Variants in TP63 observed in about 807,000 individuals in gnomAD.
The protein encoded by TP63 is tumor protein p63, also known as tumor protein 63.
TP63 carries 17 observed loss-of-function variants against 82.8 expected under a neutral mutation model. The observed-to-expected ratio is 0.21, with a 90% CI of 0.14 to 0.31. TP63 has a LOEUF of 0.31. Ranked by LOEUF, TP63 falls within the 10% of genes least tolerant of loss-of-function variation. The pLI is 1.00. For missense variants in TP63, 648 were observed against 895.3 expected, an observed-to-expected ratio of 0.72 and a Z score of 3.52; for synonymous variants, 330 against 321.7, an observed-to-expected ratio of 1.03 and a Z score of -0.28.
chr3:189,637,187 A>G (rs552236668), intron 1 of TP63, among the ~76,000 whole-genome samples: 48 of 152,076 alleles, frequency 3.2e-4, no homozygotes, highest in Non-Finnish European at 6.2e-4. Flanking sequence ...TACCTGGAAC[A>G]TCCATGTAGA....
intron 4 of TP63, among the ~76,000 whole-genome samples, chr3:189,831,371 A>G (rs1291864449): frequency 1.3e-5 from 2 of 152,108 alleles, no homozygotes; most frequent in Non-Finnish European, 2.9e-5. Flanking sequence ...CAGTTTTCTA[A>G]TTTGCTGTGA....
chr3:189,716,072 C>T (rs964444257), intron 1 of TP63, among the ~76,000 whole-genome samples: 1 of 152,178 alleles, frequency 6.6e-6, no homozygotes, highest in African/African-American at 2.4e-5. Flanking sequence ...TATTCCTGTT[C>T]CACATATGAG....
chr3:189,704,798 A>G (rs1400481439), intron 1 of TP63, among the ~76,000 whole-genome samples: 1 of 152,258 alleles, frequency 6.6e-6, no homozygotes, highest in African/African-American at 2.4e-5. Flanking sequence ...AGCTTGGCAC[A>G]GAGTGTTGGC....
At chr3:189,725,525 C>G (rs1719709305) in intron 1 of TP63, among the ~76,000 whole-genome samples, 1 of 152,094 alleles carries the variant, frequency 6.6e-6, no homozygotes, top group Non-Finnish European at 1.5e-5. Context: ...TTTAAAGACT[C>G]TGATTTAAGC....
intron 1 of TP63, among the ~76,000 whole-genome samples, chr3:189,660,429 A>G (rs6809573): frequency 0.12 from 17,746 of 151,946 alleles, 1,386 homozygotes; most frequent in East Asian, 0.38. Context: ...TACCAGTACC[A>G]TGCTGTTTTT....
chr3:189,882,400 G>A (rs926885696), intron 10 of TP63, among the ~76,000 whole-genome samples: 1 of 151,808 alleles, frequency 6.6e-6, no homozygotes, highest in Non-Finnish European at 1.5e-5. Flanking sequence ...AAAGGTCACA[G>A]GTAGGCAGTA....
At chr3:189,623,569 A>G in the TP63 span, among the ~76,000 whole-genome samples, 1 of 152,164 alleles carries the variant, frequency 6.6e-6, no homozygotes, top group African/African-American at 2.4e-5. Flanking sequence ...TGAGCATAGG[A>G]AATGGATTTT....
Position 189,890,778 on chromosome 3 carries a change from TC to T in TP63, c.1653-8del, listed in dbSNP as rs1311724319. The T allele has an allele frequency of 3.1e-6, 5 of 1,613,252 alleles. No homozygotes were observed. The highest frequency in any genetic ancestry group is 3.4e-6 in the Non-Finnish European group (4 of 1,179,284). ...CTGTTTCCTCCTTCCTCTTCCCTCC[TC>T]CCTCTGCAGTTTCTTAGCGAGGTTG... is the stretch of plus-strand genomic sequence containing the variant. On this transcript the variant is annotated splice_polypyrimidine_tract_variant and intron_variant, in intron 12 of 13. Coordinates refer to ENST00000264731, the MANE Select transcript of TP63 (RefSeq NM_003722.5).
intron 4 of TP63, 104 bp from the exon 5 acceptor site, chr3:189,864,128 C>A: frequency 1.4e-6 from 2 of 1,439,098 alleles, no homozygotes; most frequent in Non-Finnish European, 2.0e-6. Flanking sequence ...AGGCAGCATG[C>A]AGCTCTAAAA....
intron 7 of TP63, among the ~76,000 whole-genome samples, chr3:189,868,256 C>A (rs1257015212): frequency 6.6e-6 from 1 of 152,134 alleles, no homozygotes; most frequent in Non-Finnish European, 1.5e-5. Context: ...TTTAAGTCTG[C>A]GCTGCCTTAG....
In TP63 at chr3:189,737,713, T is replaced by A. The variant is rs1433723188; in HGVS notation, c.63-27T>A. ...AGTGTCATAAATACAGAAAGTATAA[T>A]ACTAGTTTCATTTTTGTCCTTTTAA... On this transcript the variant is annotated intron_variant, in intron 1 of 13. Transcript: ENST00000264731. 4.3e-6 allele frequency: 7 copies of A among 1,611,302 alleles called. No homozygotes were observed. In the South Asian group the frequency reaches 5.5e-5, roughly 13 times the overall value.
the TP63 span, among the ~76,000 whole-genome samples, chr3:189,620,913 G>C: frequency 6.6e-6 from 1 of 152,162 alleles, no homozygotes; most frequent in African/African-American, 2.4e-5. Context: ...TCAGGAAATT[G>C]AGACACATTC....
intron 1 of TP63, among the ~76,000 whole-genome samples, chr3:189,643,742 A>G (rs963039265): frequency 6.6e-6 from 1 of 152,160 alleles, no homozygotes; most frequent in East Asian, 1.9e-4. Flanking sequence ...GAAAACATCT[A>G]CATCGCCCAT....
At chr3:189,743,135 A>T (rs895773942) in intron 3 of TP63, among the ~76,000 whole-genome samples, 4 of 152,192 alleles carry the variant, frequency 2.6e-5, no homozygotes, top group African/African-American at 9.6e-5. Flanking sequence ...AAATTTAATA[A>T]GAGAGATAAA....
intron 4 of TP63, among the ~76,000 whole-genome samples, chr3:189,852,178 G>T (rs987656700): frequency 6.6e-6 from 1 of 152,174 alleles, no homozygotes; most frequent in African/African-American, 2.4e-5. Flanking sequence ...ACAGTTGTTG[G>T]TGTTGGACAA....
intron 1 of TP63, among the ~76,000 whole-genome samples, chr3:189,666,206 A>T (rs2108662120): frequency 6.6e-6 from 1 of 152,148 alleles, no homozygotes; most frequent in African/African-American, 2.4e-5. Context: ...ATTAAACATT[A>T]TTCTTACAAT....
At chr3:189,684,945 T>C (rs1229428628) in intron 1 of TP63, among the ~76,000 whole-genome samples, 3 of 152,132 alleles carry the variant, frequency 2.0e-5, no homozygotes, top group African/African-American at 7.2e-5. Context: ...GATATACTTA[T>C]ATATTATTTG....
At chr3:189,796,417 G>C (rs1725711100) in intron 3 of TP63, among the ~76,000 whole-genome samples, 1 of 151,956 alleles carries the variant, frequency 6.6e-6, no homozygotes, top group South Asian at 2.1e-4. Flanking sequence ...ACAGGGCAGG[G>C]GAGGGTAGGC....
chr3:189,891,010 G>C (rs1021377214), intron 13 of TP63, 128 bp downstream of exon 13: 2 of 801,300 alleles, frequency 2.5e-6, no homozygotes, highest in Non-Finnish European at 4.1e-6. Flanking sequence ...TATCCATTTT[G>C]ATAGAACCCA....
Sources: gnomAD v4.1 joint callset for allele counts (sites outside exome capture counted in the v4.1 genomes callset) on GRCh38, gnomAD v4.1.1 for gene constraint, MANE v1.5 for transcripts, NCBI Gene and HGNC (gene_info 2026-07-23, HGNC 2026-07-21) for gene names.